The following CAP2 variants were observed in gnomAD, a reference collection of about 807,000 sequenced individuals.
The protein encoded by CAP2 is cyclase associated actin cytoskeleton regulatory protein 2, also known as adenylyl cyclase-associated protein 2.
A neutral mutation model predicts 57.7 loss-of-function variants in CAP2; 24 were observed. The observed-to-expected ratio is 0.42, with a 90% CI of 0.30 to 0.58. The LOEUF (loss-of-function observed/expected upper bound fraction) is 0.58. Among genes scored for constraint, CAP2 ranks in the 20% least tolerant of loss-of-function variants. CAP2 has a pLI of 0.22. For synonymous variants in CAP2, 194 were observed against 207.2 expected (o/e 0.94, Z 0.55); for missense variants, 501 against 590.3 (o/e 0.85, Z 1.57).
Position 17,494,929 on chromosome 6 carries a change from G to T in CAP2, c.301-12240G>T, listed in dbSNP as rs183469890. 3.9e-4 allele frequency among the ~76,000 whole-genome samples: 59 copies of T among 152,262 alleles called. No individual in the cohort carries two copies. The East Asian group carries it at 4.6e-3, about 12-fold the overall frequency. On this transcript the variant is annotated intron_variant, in intron 4 of 12. Transcript: ENST00000229922. ...GACAGCCTTTGAGCTGGGAAATTGG[G>T]TTTTTTGTTTTGTTTTGTCCCCTGC...
At chr6:17,448,720 A>C (rs1044328191) in intron 3 of CAP2, among the ~76,000 whole-genome samples, 13 of 151,608 alleles carry the variant, frequency 8.6e-5, no homozygotes, top group African/African-American at 3.2e-4. Flanking sequence ...AACTTAGACC[A>C]TGTCTTCTGG....
At chr6:17,479,644 C>G (rs1761238315) in intron 4 of CAP2, among the ~76,000 whole-genome samples, 2 of 134,764 alleles carry the variant, frequency 1.5e-5, no homozygotes, top group Admixed American at 1.5e-4. Context: ...CAGAGTCTCA[C>G]TTTGTCGCCC....
intron 4 of CAP2, among the ~76,000 whole-genome samples, chr6:17,463,296 GA>G (rs149970340): frequency 1.6e-4 from 21 of 133,906 alleles, no homozygotes; most frequent in Middle Eastern, 8.0e-3. Flanking sequence ...TGCCATTTGC[GA>G]AAAAAAAAAG....
intron 1 of CAP2, among the ~76,000 whole-genome samples, chr6:17,410,537 C>T (rs186604108): frequency 1.3e-3 from 193 of 152,110 alleles, no homozygotes; most frequent in African/African-American, 4.3e-3. Flanking sequence ...CTTCTGACCA[C>T]TGGGAGATGA....
intron 1 of CAP2, among the ~76,000 whole-genome samples, chr6:17,397,694 CAAAAAAAAAA>C (rs554131865): frequency 2.8e-5 from 2 of 70,606 alleles, no homozygotes; most frequent in Non-Finnish European, 5.5e-5. Flanking sequence ...GACTCCATAT[CAAAAAAAAAA>C]AAAAAAAAAA....
At chr6:17,550,672 G>C (rs755207320) in intron 11 of CAP2, among the ~76,000 whole-genome samples, 2 of 152,024 alleles carry the variant, frequency 1.3e-5, no homozygotes, top group African/African-American at 4.8e-5. Flanking sequence ...GGAACAGTCC[G>C]CCCTTATGGA....
chr6:17,418,158 G>C (rs76819270), intron 1 of CAP2, among the ~76,000 whole-genome samples: 1,549 of 152,254 alleles, frequency 0.01, 27 homozygotes, highest in African/African-American at 0.036. Flanking sequence ...GAGAGACAGA[G>C]AGAGTTTGGA....
At chr6:17,436,069 C>CTTTG (rs1759873004) in intron 3 of CAP2, among the ~76,000 whole-genome samples, 5 of 115,076 alleles carry the variant, frequency 4.3e-5, no homozygotes, top group African/African-American at 1.5e-4. Flanking sequence ...ACTAAGGAAT[C>CTTTG]TTTCTTTCTT....
At chr6:17,551,195 C>A (rs1456065110) in intron 11 of CAP2, among the ~76,000 whole-genome samples, 1 of 152,146 alleles carries the variant, frequency 6.6e-6, no homozygotes, top group African/African-American at 2.4e-5. Context: ...GCTGCTGTTT[C>A]CAAATTAATC....
chr6:17,481,439 G>T (rs1413758253), intron 4 of CAP2, among the ~76,000 whole-genome samples: 3 of 54,848 alleles, frequency 5.5e-5, no homozygotes, highest in African/African-American at 3.2e-4. Context: ...TTCTTTTCTA[G>T]GAAACAAAAA....
chr6:17,465,591 T>C (rs914666108), intron 4 of CAP2, among the ~76,000 whole-genome samples: 6 of 152,018 alleles, frequency 3.9e-5, no homozygotes, highest in Non-Finnish European at 5.9e-5. Context: ...CAGACCTGAG[T>C]GATCACCACG....
At chr6:17,396,456 T>C (rs1352863587) in intron 1 of CAP2, among the ~76,000 whole-genome samples, 2 of 152,192 alleles carry the variant, frequency 1.3e-5, no homozygotes, top group Non-Finnish European at 2.9e-5. Flanking sequence ...CAGCGAGATA[T>C]TATTTGGCCA....
intron 3 of CAP2, among the ~76,000 whole-genome samples, chr6:17,455,539 C>CTT (rs1368705499): frequency 6.9e-6 from 1 of 145,086 alleles, no homozygotes; most frequent in Admixed American, 6.9e-5. Flanking sequence ...CTGCTCTAAA[C>CTT]TTTTTTTTTT....
At chr6:17,417,816 GTTCTTAGAATATC>G (rs1759326584) in intron 1 of CAP2, among the ~76,000 whole-genome samples, 1 of 152,070 alleles carries the variant, frequency 6.6e-6, no homozygotes. Context: ...TCTTCACTGG[GTTCTTAGAATATC>G]TTCTTTCCTG....
intron 4 of CAP2, among the ~76,000 whole-genome samples, chr6:17,495,679 A>C (rs1483190054): frequency 6.6e-6 from 1 of 152,196 alleles, no homozygotes; most frequent in East Asian, 1.9e-4. Flanking sequence ...ACAAAGAAGC[A>C]TCTCAGCTCA....
intron 3 of CAP2, among the ~76,000 whole-genome samples, chr6:17,439,513 GA>G (rs1760009443): frequency 6.6e-6 from 1 of 151,306 alleles, no homozygotes; most frequent in Non-Finnish European, 1.5e-5. Context: ...TTTTTCTGTG[GA>G]CCGGGGAGAG....
intron 1 of CAP2, among the ~76,000 whole-genome samples, chr6:17,416,324 A>G (rs1759274362): frequency 6.6e-6 from 1 of 152,158 alleles, no homozygotes; most frequent in Non-Finnish European, 1.5e-5. Context: ...TCCCACTGAC[A>G]GCAAAATGAG....
At chr6:17,536,474 T>C (rs1307148642) in intron 7 of CAP2, 1 of 299,250 alleles carries the variant, frequency 3.3e-6, no homozygotes, top group African/African-American at 2.2e-5. Context: ...CAACTGGTCC[T>C]GAGTTCCCTT....
At chr6:17,542,255 C>T (rs184275985) in intron 9 of CAP2, among the ~76,000 whole-genome samples, 2 of 152,304 alleles carry the variant, frequency 1.3e-5, no homozygotes, top group Admixed American at 6.5e-5. Context: ...TGAGATGTTT[C>T]GTTCAGTCCC....
Sources: gnomAD v4.1 joint callset for allele counts (sites outside exome capture counted in the v4.1 genomes callset) on GRCh38, gnomAD v4.1.1 for gene constraint, MANE v1.5 for transcripts, NCBI Gene and HGNC (gene_info 2026-07-23, HGNC 2026-07-21) for gene names.